SLC24A3: variants seen among roughly 807,000 people sequenced by gnomAD.
SLC24A3 encodes the protein sodium/potassium/calcium exchanger 3.
Under a neutral mutation model 75.8 loss-of-function variants are expected in SLC24A3, and 28 were observed. That is an observed-to-expected ratio of 0.37 (90% CI 0.27 to 0.51). The LOEUF is 0.51. SLC24A3 is among the 20% of genes least tolerant of loss of function. SLC24A3 has a pLI of 0.94. For synonymous variants in SLC24A3, 372 were observed against 334.1 expected (o/e 1.11, Z -1.24); for missense variants, 663 against 847.8 (o/e 0.78, Z 2.71).
At chr20:19,676,414 T>A (rs943458655) in intron 9 of SLC24A3, among the ~76,000 whole-genome samples, 1 of 152,232 alleles carries the variant, frequency 6.6e-6, no homozygotes, top group African/African-American at 2.4e-5. Context: ...ACTGTGCTCA[T>A]GAAATTTTCT....
chr20:19,633,597 C>A (rs1211466960), intron 6 of SLC24A3, among the ~76,000 whole-genome samples: 1 of 137,660 alleles, frequency 7.3e-6, no homozygotes, highest in Admixed American at 8.3e-5. Flanking sequence ...TGCAGTGAGC[C>A]GAGATCCCGC....
At chr20:19,500,703 G>A (rs1313042051) in intron 2 of SLC24A3, among the ~76,000 whole-genome samples, 1 of 152,166 alleles carries the variant, frequency 6.6e-6, no homozygotes, top group Non-Finnish European at 1.5e-5. Flanking sequence ...ATTCTGCTAA[G>A]TTATTTTACC....
chr20:19,634,835 TACA>T (rs2122690337), intron 6 of SLC24A3, among the ~76,000 whole-genome samples: 1 of 152,240 alleles, frequency 6.6e-6, no homozygotes, highest in South Asian at 2.1e-4. Flanking sequence ...TGCAGGGGTA[TACA>T]ACATCTTATA....
intron 2 of SLC24A3, among the ~76,000 whole-genome samples, chr20:19,470,631 A>T (rs1476327860): frequency 6.6e-6 from 1 of 152,156 alleles, no homozygotes; most frequent in East Asian, 1.9e-4. Context: ...CATGACTACT[A>T]TTGGCTGATG....
intron 6 of SLC24A3, among the ~76,000 whole-genome samples, chr20:19,651,674 AC>A (rs1366647368): frequency 6.6e-6 from 1 of 151,954 alleles, no homozygotes; most frequent in African/African-American, 2.4e-5. Flanking sequence ...CCTGGCTAAC[AC>A]GGTGAAACCC....
chr20:19,378,292 A>ATTTT (rs1568603588), intron 2 of SLC24A3, among the ~76,000 whole-genome samples: 55 of 151,538 alleles, frequency 3.6e-4, no homozygotes, highest in African/African-American at 1.3e-3. Context: ...GTTTTTTTAA[A>ATTTT]AAAAAAAAAT....
chr20:19,591,025 C>A (rs997577467), intron 6 of SLC24A3, among the ~76,000 whole-genome samples: 5 of 152,194 alleles, frequency 3.3e-5, no homozygotes, highest in Non-Finnish European at 5.9e-5. Context: ...TTTCTTTTCT[C>A]TGGCCATCCC....
At position 19,351,592 on chromosome 20, in the gene SLC24A3, C is replaced by A. The variant is rs185204103; in HGVS notation, c.271+70505C>A. On this transcript the variant is annotated intron_variant, in intron 2 of 16. Transcript: ENST00000328041. ...GTGTGTCCAACAACAGGGTTAGTAA[C>A]GTTTTCCTCTCCCAGCCTCCCCTAG... Among the ~76,000 whole-genome samples the A allele has an allele frequency of 7.5e-4, 114 of 152,250 alleles. 1 individual carries two copies. Among genetic ancestry groups the A allele is most frequent in the African/African-American group, 2.2e-3 (91 of 41,556 alleles).
intron 10 of SLC24A3, among the ~76,000 whole-genome samples, chr20:19,683,253 G>A (rs1167645815): frequency 2.0e-5 from 3 of 152,146 alleles, no homozygotes; most frequent in Non-Finnish European, 4.4e-5. Flanking sequence ...GTTTATAACC[G>A]TAAAAGGAAT....
At chr20:19,408,209 A>T (rs1986682128) in intron 2 of SLC24A3, among the ~76,000 whole-genome samples, 1 of 152,204 alleles carries the variant, frequency 6.6e-6, no homozygotes, top group South Asian at 2.1e-4. Flanking sequence ...TAAAGTACCA[A>T]GTAAAAAATA....
At chr20:19,339,120 C>A (rs1344072273) in intron 2 of SLC24A3, among the ~76,000 whole-genome samples, 1 of 152,246 alleles carries the variant, frequency 6.6e-6, no homozygotes, top group Non-Finnish European at 1.5e-5. Context: ...TAGCCTGACT[C>A]TGTTTGTAAT....
At chr20:19,618,736 T>C (rs778323451) in intron 6 of SLC24A3, among the ~76,000 whole-genome samples, 34 of 152,224 alleles carry the variant, frequency 2.2e-4, no homozygotes, top group Admixed American at 5.2e-4. Context: ...AAAGATTAAA[T>C]GAGTTAATAC....
intron 1 of SLC24A3, among the ~76,000 whole-genome samples, chr20:19,224,627 A>C (rs941446613): frequency 1.3e-5 from 2 of 152,216 alleles, no homozygotes; most frequent in Admixed American, 1.3e-4. Flanking sequence ...TGTTCATTCA[A>C]GCAGCTTAGC....
chr20:19,435,288 C>A (rs1231274421), intron 2 of SLC24A3, among the ~76,000 whole-genome samples: 1 of 152,262 alleles, frequency 6.6e-6, no homozygotes, highest in African/African-American at 2.4e-5. Flanking sequence ...CATCACTTCA[C>A]TGACATGATT....
intron 6 of SLC24A3, among the ~76,000 whole-genome samples, chr20:19,591,236 G>T (rs2031372743): frequency 6.6e-6 from 1 of 152,098 alleles, no homozygotes; most frequent in Non-Finnish European, 1.5e-5. Context: ...TGTCTTGCTT[G>T]TTCCACTTCT....
intron 2 of SLC24A3, among the ~76,000 whole-genome samples, chr20:19,499,086 G>C (rs1269322546): frequency 1.3e-5 from 2 of 152,142 alleles, no homozygotes; most frequent in East Asian, 3.9e-4. Flanking sequence ...CACATTTCCA[G>C]GTCCAGCCAC....
At chr20:19,478,958 G>A (rs567263066) in intron 2 of SLC24A3, among the ~76,000 whole-genome samples, 2 of 152,328 alleles carry the variant, frequency 1.3e-5, no homozygotes, top group African/African-American at 4.8e-5. Flanking sequence ...CTTCAAAAGC[G>A]AAGCATTGTT....
At chr20:19,522,942 T>G (rs764402109) in intron 3 of SLC24A3, among the ~76,000 whole-genome samples, 1 of 152,120 alleles carries the variant, frequency 6.6e-6, no homozygotes, top group Non-Finnish European at 1.5e-5. Flanking sequence ...TAAAATCTCT[T>G]TTACCAATTT....
intron 2 of SLC24A3, among the ~76,000 whole-genome samples, chr20:19,387,830 G>T (rs1986297908): frequency 2.0e-5 from 3 of 152,066 alleles, no homozygotes; most frequent in Admixed American, 6.5e-5. Context: ...GTCTGGTAGG[G>T]CCATTTGGTT....
Sources: allele counts gnomAD v4.1 joint callset (sites outside exome capture counted in the v4.1 genomes callset), GRCh38; gene constraint gnomAD v4.1.1; transcripts MANE v1.5; gene names NCBI Gene and HGNC (gene_info 2026-07-23, HGNC 2026-07-21).